IGSF5: variants seen among roughly 807,000 people sequenced by gnomAD.
IGSF5 encodes the protein immunoglobulin superfamily 5 like.
In IGSF5, 41 loss-of-function variants were observed where a neutral mutation model predicts 39.4. The ratio of observed to expected loss-of-function variants is 1.04; its 90% confidence interval spans 0.81 to 1.35. The LOEUF (loss-of-function observed/expected upper bound fraction) is 1.35, where lower values mean the gene tolerates loss of function less well. IGSF5 is among the 40% of genes most tolerant of loss of function. IGSF5 has a pLI of 0.00. For synonymous variants in IGSF5, 183 were observed against 175.3 expected (o/e 1.04, Z -0.34); for missense variants, 487 against 494.6 (o/e 0.98, Z 0.15).
At chr21:39,761,288 A>C (rs1363789395) in intron 2 of IGSF5, among the ~76,000 whole-genome samples, 1 of 152,256 alleles carries the variant, frequency 6.6e-6, no homozygotes, top group Non-Finnish European at 1.5e-5. Flanking sequence ...TAAAACTTCA[A>C]ACTATGAAAA....
the IGSF5 span, among the ~76,000 whole-genome samples, chr21:39,712,082 A>G: frequency 6.6e-6 from 1 of 152,178 alleles, no homozygotes; most frequent in African/African-American, 2.4e-5. Flanking sequence ...CCTTCCAGCC[A>G]CTGAATCCCA....
At chr21:39,768,723 C>G (rs2080099026) in intron 3 of IGSF5, among the ~76,000 whole-genome samples, 2 of 152,194 alleles carry the variant, frequency 1.3e-5, no homozygotes, top group Non-Finnish European at 2.9e-5. Flanking sequence ...AGGGACAAAC[C>G]CTTTCTCCAC....
the IGSF5 span, among the ~76,000 whole-genome samples, chr21:39,712,103 A>G: frequency 6.6e-6 from 1 of 152,166 alleles, no homozygotes; most frequent in Non-Finnish European, 1.5e-5. Context: ...TACTCATGGT[A>G]GACCTTCTGG....
chr21:39,739,648 T>A, the IGSF5 span, among the ~76,000 whole-genome samples: 1 of 152,248 alleles, frequency 6.6e-6, no homozygotes, highest in Admixed American at 6.5e-5. Context: ...TGGCGATGAC[T>A]GCTCTAACTG....
At chr21:39,726,366 A>C in the IGSF5 span, among the ~76,000 whole-genome samples, 1 of 152,176 alleles carries the variant, frequency 6.6e-6, no homozygotes, top group African/African-American at 2.4e-5. Context: ...TGGAGTCTAC[A>C]AAGGCTGGGA....
upstream of IGSF5, among the ~76,000 whole-genome samples, chr21:39,744,602 T>G (rs1183504582): frequency 6.6e-6 from 1 of 152,228 alleles, no homozygotes; most frequent in Non-Finnish European, 1.5e-5. Flanking sequence ...GGTCGGACCT[T>G]TGTATGGTAA....
chr21:39,770,635 C>A (rs1173926133), intron 3 of IGSF5, among the ~76,000 whole-genome samples: 2 of 151,644 alleles, frequency 1.3e-5, no homozygotes, highest in African/African-American at 4.8e-5. Context: ...TAATTATTTC[C>A]CCCTGGTTTC....
At chr21:39,789,917 G>A (rs1474011811) in intron 6 of IGSF5, among the ~76,000 whole-genome samples, 1 of 152,142 alleles carries the variant, frequency 6.6e-6, no homozygotes, top group Admixed American at 6.5e-5. Flanking sequence ...CAGCATTTTT[G>A]TAGTATTTGT....
chr21:39,757,130 A>T (rs899942801), intron 2 of IGSF5, among the ~76,000 whole-genome samples: 2 of 151,436 alleles, frequency 1.3e-5, no homozygotes, highest in South Asian at 2.1e-4. Flanking sequence ...GTCTCACCTC[A>T]TTCGCTGTGC....
intron 2 of IGSF5, among the ~76,000 whole-genome samples, chr21:39,758,619 T>C (rs2080045053): frequency 6.6e-6 from 1 of 152,122 alleles, no homozygotes. Flanking sequence ...ACCCCAGCGC[T>C]CTCCAACGGT....
At chr21:39,766,650 A>T (rs1376708682) in intron 3 of IGSF5, among the ~76,000 whole-genome samples, 1 of 152,204 alleles carries the variant, frequency 6.6e-6, no homozygotes, top group Non-Finnish European at 1.5e-5. Context: ...GGTAATTTGG[A>T]GGTGCTGAAG....
intron 8 of IGSF5, among the ~76,000 whole-genome samples, chr21:39,800,873 T>TGGA (rs2087024770): frequency 6.6e-6 from 1 of 152,274 alleles, no homozygotes. Flanking sequence ...AGTCAGTTCT[T>TGGA]CAATTTTGTC....
chr21:39,736,751 G>A, the IGSF5 span, among the ~76,000 whole-genome samples: 2 of 152,192 alleles, frequency 1.3e-5, no homozygotes. Context: ...AGCACTCATT[G>A]TTATCATAAC....
At chr21:39,746,377 A>T in intron 2 of IGSF5, 79 bp downstream of exon 2, 1 of 641,164 alleles carries the variant, frequency 1.6e-6, no homozygotes, top group East Asian at 2.8e-5. Context: ...AGTGAAATAG[A>T]GTGAAAACAG....
At position 39,765,762 on chromosome 21, in the gene IGSF5, A is replaced by G. The variant is rs112166899; in HGVS notation, c.328A>G (p.Ile110Val). Residue 110 changes from isoleucine to valine, a missense_variant, in exon 3 of 9, where the codon ATC becomes GTC. Transcript: ENST00000380588. ...CGGGAACTTCACCTCGGAGATGATC[A>G]TCCACAATGTGGAGCCCAGTGATTC... ...QGGNFTSEMI[I>V]HNVEPSDSGN... The G allele has an allele frequency of 1.9e-6, 3 of 1,614,146 alleles. No individual in the cohort carries two copies. Among genetic ancestry groups the G allele is most frequent in the Non-Finnish European group, 2.5e-6 (3 of 1,180,012 alleles).
chr21:39,771,197 G>A lies in IGSF5; in HGVS notation c.700G>A (p.Val234Met), dbSNP rs374740242. 9.5e-6 allele frequency: 15 copies of A among 1,577,510 alleles called. No individual in the cohort carries two copies. In the African/African-American group the frequency reaches 1.9e-4, roughly 20 times the overall value. ...CAAGTCTGCAACTGTAAATCTCACTGTGATTCGGTGTCCCCAAGGTAAGTG... is the reference window on the plus strand; with the variant it reads ...CAAGTCTGCAACTGTAAATCTCACTATGATTCGGTGTCCCCAAGGTAAGTG... ...ARKSATVNLT[V>M]IRCPQDTGGG... Residue 234 changes from valine (V) to methionine (M), a missense_variant, in exon 4 of 9, where the codon GTG (valine) becomes ATG (methionine). Coordinates refer to ENST00000380588, the MANE Select transcript of IGSF5 (RefSeq NM_001080444.2).
intron 3 of IGSF5, among the ~76,000 whole-genome samples, 163 bp downstream of exon 3, chr21:39,766,015 G>T (rs533597392): frequency 6.6e-6 from 1 of 151,956 alleles, no homozygotes; most frequent in Non-Finnish European, 1.5e-5. Context: ...TTTATTTGTC[G>T]CCTCCTTCCT....
At chr21:39,750,733 C>T (rs1033252095) in intron 2 of IGSF5, among the ~76,000 whole-genome samples, 11 of 142,172 alleles carry the variant, frequency 7.7e-5, no homozygotes, top group East Asian at 1.9e-4. Context: ...GACGCACCCT[C>T]GGGACTTTTT....
the IGSF5 span, among the ~76,000 whole-genome samples, chr21:39,737,199 C>T: frequency 6.6e-6 from 1 of 151,732 alleles, no homozygotes; most frequent in South Asian, 2.1e-4. Flanking sequence ...AAAAAAACCC[C>T]TCACCACTCA....
Sources: gnomAD v4.1 joint callset for allele counts (sites outside exome capture counted in the v4.1 genomes callset) on GRCh38, gnomAD v4.1.1 for gene constraint, MANE v1.5 for transcripts, NCBI Gene and HGNC (gene_info 2026-07-23, HGNC 2026-07-21) for gene names.